The following HSD17B3 variants were observed in gnomAD, a reference collection of about 807,000 sequenced individuals.
The protein encoded by HSD17B3 is hydroxysteroid 17-beta dehydrogenase 3, also known as 17-beta-hydroxysteroid dehydrogenase type 3.
HSD17B3 carries 29 observed loss-of-function variants against 41.1 expected under a neutral mutation model. The observed-to-expected ratio is 0.71, with a 90% confidence interval of 0.53 to 0.96. The LOEUF (loss-of-function observed/expected upper bound fraction) is 0.96, where lower values mean the gene tolerates loss of function less well. Ranked by LOEUF, HSD17B3 falls within the 40% of genes least tolerant of loss-of-function variation. The pLI is 0.00. For synonymous variants in HSD17B3, 126 were observed against 145.6 expected, an observed-to-expected ratio of 0.87 and a Z score of 0.97; for missense variants, 323 against 374.6, an observed-to-expected ratio of 0.86 and a Z score of 1.14.
At chr9:96,289,004 G>C (rs59260289) in intron 2 of HSD17B3, among the ~76,000 whole-genome samples, 1 of 151,312 alleles carries the variant, frequency 6.6e-6, no homozygotes, top group Non-Finnish European at 1.5e-5. Flanking sequence ...AGCTGCTCAG[G>C]AGGCTGAGGT....
chr9:96,246,656 A>G, intron 6 of HSD17B3, 66 bp from the exon 7 acceptor site: 1 of 1,457,406 alleles, frequency 6.9e-7, no homozygotes, highest in Non-Finnish European at 9.6e-7. Flanking sequence ...GGCGGGATGG[A>G]AACAGGGAAG....
Position 96,236,852 on chromosome 9 carries a change from CTT to C in HSD17B3, c.823-1284_823-1283del, listed in dbSNP as rs8190567. ...CATTTCATAATGATTCACAGCATAA[CTT>C]TATTAATCCAACATGCCTCAATCCA... On this transcript the variant is annotated intron_variant, in intron 10 of 10. Coordinates refer to ENST00000375263, the MANE Select transcript of HSD17B3 (RefSeq NM_000197.2). Among the ~76,000 whole-genome samples the C allele has an allele frequency of 1.7e-3, 262 of 152,216 alleles. 2 individuals carry two copies. Among genetic ancestry groups the C allele is most frequent in the African/African-American group, 6.1e-3 (254 of 41,528 alleles).
chr9:96,256,956 G>A (rs1279121273), intron 2 of HSD17B3, among the ~76,000 whole-genome samples: 4 of 152,142 alleles, frequency 2.6e-5, no homozygotes, highest in African/African-American at 7.2e-5. Flanking sequence ...AGGTGCTGTC[G>A]TGGTAAGAGT....
intron 2 of HSD17B3, among the ~76,000 whole-genome samples, chr9:96,270,001 A>G (rs1387217737): frequency 6.6e-6 from 1 of 151,912 alleles, no homozygotes; most frequent in African/African-American, 2.4e-5. Context: ...CATATTATTT[A>G]GGCATACCTG....
intron 2 of HSD17B3, among the ~76,000 whole-genome samples, chr9:96,283,859 C>G (rs759274407): frequency 6.6e-6 from 1 of 152,056 alleles, no homozygotes; most frequent in Admixed American, 6.6e-5. Context: ...ACTTTCAGGA[C>G]TCTCGTGAAG....
At chr9:96,249,510 C>T (rs987528849) in intron 6 of HSD17B3, 7 of 575,478 alleles carry the variant, frequency 1.2e-5, no homozygotes, top group African/African-American at 1.9e-5. Context: ...TATGTTCCAA[C>T]GTGTGACAAA....
At chr9:96,253,599 G>A (rs948481233) in intron 3 of HSD17B3, among the ~76,000 whole-genome samples, 3 of 152,140 alleles carry the variant, frequency 2.0e-5, no homozygotes, top group African/African-American at 4.8e-5. Flanking sequence ...GTCACTCCAC[G>A]TTCAATGCGC....
At chr9:96,289,192 GGTGTGTGT>G (rs67271328) in intron 2 of HSD17B3, among the ~76,000 whole-genome samples, 63,637 of 148,014 alleles carry the variant, frequency 0.43, 14,286 homozygotes, top group East Asian at 0.6. Context: ...TTGATTTCCT[GGTGTGTGT>G]GTGTGTGTGT....
chr9:96,284,633 C>T (rs746051463), intron 2 of HSD17B3, among the ~76,000 whole-genome samples: 9 of 152,170 alleles, frequency 5.9e-5, no homozygotes, highest in African/African-American at 1.2e-4. Flanking sequence ...ACCTTGCCTA[C>T]GCAGTGCCAG....
At chr9:96,267,387 A>G (rs974909789) in intron 2 of HSD17B3, among the ~76,000 whole-genome samples, 1 of 151,832 alleles carries the variant, frequency 6.6e-6, no homozygotes, top group African/African-American at 2.4e-5. Flanking sequence ...CGAACTCCTG[A>G]CCTCAAGTGA....
intron 2 of HSD17B3, among the ~76,000 whole-genome samples, chr9:96,256,037 T>A (rs1825642783): frequency 1.3e-5 from 2 of 152,056 alleles, no homozygotes; most frequent in African/African-American, 4.8e-5. Context: ...AAGTTAGAGT[T>A]TTTCCTGAAA....
At chr9:96,270,261 CACACACACAG>C (rs1158454080) in intron 2 of HSD17B3, among the ~76,000 whole-genome samples, 2 of 151,286 alleles carry the variant, frequency 1.3e-5, no homozygotes, top group African/African-American at 2.4e-5. Context: ...CACACACACA[CACACACACAG>C]AGAGAGAGAG....
At chr9:96,274,877 G>A (rs1826388556) in intron 2 of HSD17B3, among the ~76,000 whole-genome samples, 1 of 152,056 alleles carries the variant, frequency 6.6e-6, no homozygotes, top group South Asian at 2.1e-4. Flanking sequence ...AGAGGAAAAT[G>A]GACATCCAGG....
rs869145717 is a variant in HSD17B3, at chr9:96,255,367, C to CTTTTTTTTTTTTTTTTT, written c.202-441_202-425dup. ...AAGCAGTGTTTCTGCCCCAACATTT[C>CTTTTTTTTTTTTTTTTT]TTTTTTTTTTTTTTTTTTTTTTTTT... On this transcript the variant is annotated intron_variant, in intron 2 of 10. Transcript: ENST00000375263. Among the ~76,000 whole-genome samples, 52 of 54,564 alleles carry CTTTTTTTTTTTTTTTTT rather than the reference C, an allele frequency of 9.5e-4. 7 individuals are homozygous for CTTTTTTTTTTTTTTTTT. The highest frequency in any genetic ancestry group is 1.5e-3 in the Non-Finnish European group (44 of 29,474). The allele number at this position is 54,564 out of a possible 152,430, so 35.8% of individuals were successfully genotyped here.
intron 9 of HSD17B3, among the ~76,000 whole-genome samples, chr9:96,243,321 A>C (rs534858475): frequency 9.2e-5 from 14 of 152,190 alleles, no homozygotes; most frequent in Admixed American, 4.6e-4. Context: ...CGGCTTCTGC[A>C]TGGCAGAGAA....
intron 2 of HSD17B3, among the ~76,000 whole-genome samples, chr9:96,260,913 T>G (rs1049766710): frequency 6.6e-6 from 1 of 152,196 alleles, no homozygotes; most frequent in African/African-American, 2.4e-5. Flanking sequence ...TGCCCGCCTC[T>G]CACCTCACAG....
At position 96,302,168 on chromosome 9, in the gene HSD17B3, C is replaced by G. The variant is rs907127544; in HGVS notation, c.-64G>C. On this transcript the variant is annotated 5_prime_UTR_variant, in exon 1 of 11. Transcript: ENST00000375263. ...TCTCTGTGTATGCCTCCTGGGACCA[C>G]GCTGCTCTGGAGACCTCCAGATCTT... 6.4e-7 allele frequency: 1 copy of G among 1,552,962 alleles called. No individual in the cohort carries two copies. Among genetic ancestry groups the G allele is most frequent in the South Asian group, 1.1e-5 (1 of 87,350 alleles).
chr9:96,299,845 G>A (rs1044802044), intron 1 of HSD17B3, among the ~76,000 whole-genome samples: 22 of 152,082 alleles, frequency 1.4e-4, no homozygotes, highest in African/African-American at 3.4e-4. Flanking sequence ...TAGTTCTTGC[G>A]TTTCTTTTTT....
intron 6 of HSD17B3, among the ~76,000 whole-genome samples, chr9:96,248,340 T>C (rs746692119): frequency 1.5e-4 from 23 of 152,212 alleles, no homozygotes; most frequent in Non-Finnish European, 2.9e-4. Flanking sequence ...GCCCAACTTA[T>C]TCACCTGAAA....
Sources: allele counts gnomAD v4.1 joint callset (sites outside exome capture counted in the v4.1 genomes callset), GRCh38; gene constraint gnomAD v4.1.1; transcripts MANE v1.5; gene names NCBI Gene and HGNC (gene_info 2026-07-23, HGNC 2026-07-21).